The following CNIH3 variants were observed in gnomAD, a reference collection of about 807,000 sequenced individuals.
The protein encoded by CNIH3 is protein cornichon homolog 3.
In CNIH3, 14 loss-of-function variants were observed where a neutral mutation model predicts 24.1. The ratio of observed to expected loss-of-function variants is 0.58; its 90% CI spans 0.38 to 0.91. The LOEUF is 0.91. Ranked by LOEUF, CNIH3 falls within the 40% of genes least tolerant of loss-of-function variation. CNIH3 has a pLI of 0.00. For missense variants in CNIH3, 178 were observed against 196.8 expected, an observed-to-expected ratio of 0.90 and a Z score of 0.57; for synonymous variants, 68 against 73.8, an observed-to-expected ratio of 0.92 and a Z score of 0.40.
At chr1:224,633,511 T>G (rs1334970360) in intron 1 of CNIH3, among the ~76,000 whole-genome samples, 1 of 152,136 alleles carries the variant, frequency 6.6e-6, no homozygotes, top group Non-Finnish European at 1.5e-5. Flanking sequence ...AAGGAATTTA[T>G]GGGAAGGGAA....
intron 1 of CNIH3, among the ~76,000 whole-genome samples, chr1:224,633,167 T>C (rs746262362): frequency 3.0e-4 from 45 of 152,114 alleles, no homozygotes; most frequent in Non-Finnish European, 1.8e-4. Context: ...GATTTTTTTT[T>C]CTTTTTTTTG....
At chr1:224,634,987 G>A (rs1025175970) in intron 1 of CNIH3, among the ~76,000 whole-genome samples, 6 of 152,192 alleles carry the variant, frequency 3.9e-5, no homozygotes, top group African/African-American at 1.4e-4. Flanking sequence ...CACAAGGGGT[G>A]TGTTAGTTCA....
intron 1 of CNIH3, among the ~76,000 whole-genome samples, chr1:224,507,751 A>G (rs1279769360): frequency 6.6e-6 from 1 of 152,198 alleles, no homozygotes; most frequent in Non-Finnish European, 1.5e-5. Flanking sequence ...CCAGTGCGGG[A>G]GGCCAATTTA....
At chr1:224,622,971 A>T (rs183102377) in intron 1 of CNIH3, among the ~76,000 whole-genome samples, 2,452 of 152,326 alleles carry the variant, frequency 0.016, 29 homozygotes, top group Middle Eastern at 0.034. Flanking sequence ...TGCCACCATC[A>T]TCTGACTCAC....
intron 1 of CNIH3, among the ~76,000 whole-genome samples, chr1:224,678,950 CCTT>C (rs1317974158): frequency 2.0e-5 from 3 of 151,886 alleles, no homozygotes; most frequent in African/African-American, 7.3e-5. Flanking sequence ...GTTTTGTGAG[CCTT>C]ACAGCCTGTA....
rs573318973 is a variant in CNIH3 at position 224,662,877 on chromosome 1, C to T, written c.82-18081C>T. Among the ~76,000 whole-genome samples, 3 of 152,060 alleles carry T rather than the reference C, an allele frequency of 2.0e-5. No individual in the cohort carries two copies. The East Asian group carries it at 5.8e-4, about 29-fold the overall frequency. On this transcript the variant is annotated intron_variant, in intron 1 of 5. Transcript: ENST00000272133. ...TGCCCTGGTAGGTAATCCAGTGAAG[C>T]CTGTGAACCAAAATTTTGGGTTAAG...
intron 1 of CNIH3, among the ~76,000 whole-genome samples, chr1:224,488,856 A>G (rs1572348090): frequency 6.6e-6 from 1 of 152,128 alleles, no homozygotes; most frequent in Non-Finnish European, 1.5e-5. Context: ...TTACCTGCTG[A>G]CAATTCCTAT....
chr1:224,635,142 A>C (rs976779022), intron 1 of CNIH3, among the ~76,000 whole-genome samples: 2 of 151,790 alleles, frequency 1.3e-5, no homozygotes, highest in Non-Finnish European at 2.9e-5. Flanking sequence ...GACATCTTAC[A>C]TGGTGGTAGG....
chr1:224,633,098 C>G (rs114855963), intron 1 of CNIH3, among the ~76,000 whole-genome samples: 4,934 of 152,248 alleles, frequency 0.032, 273 homozygotes, highest in African/African-American at 0.11. Context: ...TGGTTTGTCT[C>G]TTGATAGGCT....
intron 1 of CNIH3, among the ~76,000 whole-genome samples, chr1:224,673,162 G>A (rs1201984282): frequency 6.6e-6 from 1 of 152,216 alleles, no homozygotes; most frequent in Admixed American, 6.5e-5. Flanking sequence ...TGATCAACCT[G>A]TATCAGCAGT....
chr1:224,653,076 T>C (rs958813863), intron 1 of CNIH3, among the ~76,000 whole-genome samples: 2 of 152,248 alleles, frequency 1.3e-5, no homozygotes, highest in Non-Finnish European at 2.9e-5. Flanking sequence ...TTATTAATTA[T>C]TCTACATATT....
intron 1 of CNIH3, among the ~76,000 whole-genome samples, chr1:224,673,704 C>T (rs1685986198): frequency 6.6e-6 from 1 of 152,136 alleles, no homozygotes; most frequent in Admixed American, 6.5e-5. Flanking sequence ...CTGCCCTTAC[C>T]CTTGATTATA....
At chr1:224,598,022 C>T (rs1682057995) in intron 3 of CNIH3, among the ~76,000 whole-genome samples, 2 of 152,136 alleles carry the variant, frequency 1.3e-5, no homozygotes, top group African/African-American at 4.8e-5. Context: ...AACCCCCACC[C>T]CCAACATTGT....
At chr1:224,668,880 G>A (rs1685730246) in intron 1 of CNIH3, among the ~76,000 whole-genome samples, 1 of 151,554 alleles carries the variant, frequency 6.6e-6, no homozygotes. Flanking sequence ...AGGGCCAGAT[G>A]TAGTGCTGGT....
At chr1:224,574,909 T>C in intron 4 of CNIH3, 1 of 1,014,422 alleles carries the variant, frequency 9.9e-7, no homozygotes, top group Non-Finnish European at 1.6e-6. Flanking sequence ...GTGAAAGCTA[T>C]TGGCATCTCC....
chr1:224,487,803 C>T (rs940129757), intron 1 of CNIH3, among the ~76,000 whole-genome samples: 23 of 152,170 alleles, frequency 1.5e-4, no homozygotes, highest in African/African-American at 5.1e-4. Context: ...TAGCAGGGAT[C>T]GCCATAAGCA....
intron 5 of CNIH3, among the ~76,000 whole-genome samples, chr1:224,583,728 T>C (rs1369244834): frequency 6.6e-6 from 1 of 152,186 alleles, no homozygotes; most frequent in Non-Finnish European, 1.5e-5. Context: ...GGAGTCTGTA[T>C]GTGGAAGAGT....
chr1:224,731,428 G>A (rs1195304889), intron 4 of CNIH3, among the ~76,000 whole-genome samples: 2 of 152,186 alleles, frequency 1.3e-5, no homozygotes, highest in African/African-American at 4.8e-5. Context: ...GGAGGCAGAG[G>A]TGGGGGAATA....
intron 1 of CNIH3, among the ~76,000 whole-genome samples, chr1:224,470,460 G>A (rs1676326680): frequency 6.6e-6 from 1 of 151,870 alleles, no homozygotes; most frequent in Non-Finnish European, 1.5e-5. Context: ...GGCTACAGGT[G>A]TGTGCCACCA....
Sources: allele counts gnomAD v4.1 joint callset (sites outside exome capture counted in the v4.1 genomes callset), GRCh38; gene constraint gnomAD v4.1.1; transcripts MANE v1.5; gene names NCBI Gene and HGNC (gene_info 2026-07-23, HGNC 2026-07-21).